Variants in NRXN3 observed in about 807,000 individuals in gnomAD.
The protein encoded by NRXN3 is neurexin III.
NRXN3 carries 32 observed loss-of-function variants against 137.6 expected under a neutral mutation model. The observed-to-expected ratio is 0.23, with a 90% CI of 0.18 to 0.31. NRXN3 has a LOEUF of 0.31. Ranked by LOEUF, NRXN3 falls within the 10% of genes least tolerant of loss-of-function variation. NRXN3 has a pLI of 1.00. For synonymous variants in NRXN3, 798 were observed against 784.5 expected, an observed-to-expected ratio of 1.02 and a Z score of -0.29; for missense variants, 1,574 against 2,062.5, an observed-to-expected ratio of 0.76 and a Z score of 4.59.
chr14:79,705,723 C>T (rs1440007015), intron 19 of NRXN3, among the ~76,000 whole-genome samples: 2 of 152,110 alleles, frequency 1.3e-5, no homozygotes, highest in Non-Finnish European at 2.9e-5. Flanking sequence ...CAGGTTTCCG[C>T]TTATATTGCA....
intron 10 of NRXN3, among the ~76,000 whole-genome samples, chr14:78,938,258 T>A (rs1167647989): frequency 6.6e-6 from 1 of 152,252 alleles, no homozygotes; most frequent in East Asian, 1.9e-4. Flanking sequence ...GTCACACAGC[T>A]AGTACCTGCT....
chr14:79,720,812 A>G (rs2192423), intron 19 of NRXN3, among the ~76,000 whole-genome samples: 61,253 of 152,034 alleles, frequency 0.4, 13,173 homozygotes, highest in Middle Eastern at 0.61. Flanking sequence ...GTGTGTCATA[A>G]GAGATTCTTG....
At chr14:79,636,049 C>G (rs763538808) in intron 16 of NRXN3, among the ~76,000 whole-genome samples, 63 of 152,140 alleles carry the variant, frequency 4.1e-4, no homozygotes, top group Admixed American at 2.6e-4. Context: ...TGGGTAGGGA[C>G]AACCACATCA....
chr14:78,236,905 T>TA (rs1322475873), intron 1 of NRXN3, among the ~76,000 whole-genome samples: 7 of 152,216 alleles, frequency 4.6e-5, no homozygotes, highest in Admixed American at 3.3e-4. Flanking sequence ...TTAACCTCCC[T>TA]CACTACATGC....
At chr14:78,490,098 A>G (rs1445100666) in intron 4 of NRXN3, among the ~76,000 whole-genome samples, 1 of 152,022 alleles carries the variant, frequency 6.6e-6, no homozygotes, top group Non-Finnish European at 1.5e-5. Context: ...TATTTTTAGT[A>G]GAGATGTGGT....
At chr14:78,591,510 A>G (rs1307431551) in intron 4 of NRXN3, among the ~76,000 whole-genome samples, 6 of 152,082 alleles carry the variant, frequency 3.9e-5, no homozygotes, top group Non-Finnish European at 7.4e-5. Flanking sequence ...AGTCACTGAC[A>G]CTCTAAGACT....
In NRXN3 at chr14:79,702,046, A is replaced by G. The variant is rs556730000; in HGVS notation, c.4014+4109A>G. Among the ~76,000 whole-genome samples the G allele has an allele frequency of 5.3e-5, 8 of 152,090 alleles. No homozygotes were observed. The East Asian group carries it at 7.8e-4, about 15-fold the overall frequency. On this transcript the variant is annotated intron_variant, in intron 19 of 20. Transcript: ENST00000335750. ...GCTGTGACTACCGACAGTAGTGGCTATAGTTTAGAGTAAGGGCTAGGAAGT... is the reference window on the plus strand; with the variant it reads ...GCTGTGACTACCGACAGTAGTGGCTGTAGTTTAGAGTAAGGGCTAGGAAGT...
chr14:79,667,243 T>C (rs2098564989), intron 17 of NRXN3, among the ~76,000 whole-genome samples: 1 of 152,112 alleles, frequency 6.6e-6, no homozygotes, highest in Non-Finnish European at 1.5e-5. Context: ...TATTTTATTA[T>C]TTTATCAATA....
chr14:79,104,800 G>T (rs1595997481), intron 15 of NRXN3, among the ~76,000 whole-genome samples: 1 of 147,764 alleles, frequency 6.8e-6, no homozygotes, highest in South Asian at 2.1e-4. Flanking sequence ...TCTGGGGTTT[G>T]TAAAATTTTA....
At chr14:79,482,729 C>A (rs965607353) in intron 16 of NRXN3, among the ~76,000 whole-genome samples, 1 of 151,820 alleles carries the variant, frequency 6.6e-6, no homozygotes, top group Non-Finnish European at 1.5e-5. Context: ...CCAAAGAAAA[C>A]AAATCAACCA....
At chr14:79,752,040 G>T (rs546084464) in intron 19 of NRXN3, among the ~76,000 whole-genome samples, 5 of 151,938 alleles carry the variant, frequency 3.3e-5, no homozygotes, top group Non-Finnish European at 5.9e-5. Context: ...TCTCTTTTTT[G>T]GTTGTGTCTC....
intron 10 of NRXN3, among the ~76,000 whole-genome samples, chr14:78,827,251 T>C (rs1485450743): frequency 1.4e-5 from 2 of 145,832 alleles, no homozygotes; most frequent in South Asian, 2.3e-4. Context: ...CAGAAATCCT[T>C]TGGGCTAACT....
chr14:79,060,395 A>G (rs2099672702), intron 15 of NRXN3, among the ~76,000 whole-genome samples: 1 of 152,238 alleles, frequency 6.6e-6, no homozygotes, highest in Admixed American at 6.5e-5. Flanking sequence ...AGCTTAGCAC[A>G]GTTCCTGCCC....
chr14:79,409,643 A>ATATATATATATC (rs1191764607), intron 15 of NRXN3, among the ~76,000 whole-genome samples: 2 of 141,264 alleles, frequency 1.4e-5, no homozygotes, highest in Non-Finnish European at 3.1e-5. Flanking sequence ...ATATATATAT[A>ATATATATATATC]TCCTCAAAAT....
chr14:79,854,212 G>GT, intron 20 of NRXN3: 1 of 916,914 alleles, frequency 1.1e-6, no homozygotes, highest in African/African-American at 1.8e-5. Flanking sequence ...CGGGCAATTT[G>GT]TTGATGTAAG....
chr14:78,285,729 G>C (rs1323119882), intron 3 of NRXN3, among the ~76,000 whole-genome samples: 1 of 152,224 alleles, frequency 6.6e-6, no homozygotes, highest in Non-Finnish European at 1.5e-5. Flanking sequence ...CTGAAAGAAA[G>C]TCCGCTTTTT....
chr14:78,538,046 T>G (rs2096553269), intron 4 of NRXN3, among the ~76,000 whole-genome samples: 1 of 152,228 alleles, frequency 6.6e-6, no homozygotes, highest in African/African-American at 2.4e-5. Context: ...GGTAGCATGA[T>G]GCTTCCAGCT....
Position 79,865,278 on chromosome 14 carries a change from TTC to T in NRXN3, c.*3316_*3317del, listed in dbSNP as rs955054746. ...AATTTTAACAGCTTCTTACAAGAAT[TTC>T]TGATTACAACTTGTTTCATACACCC... On this transcript the variant is annotated 3_prime_UTR_variant, in exon 21 of 21. Coordinates refer to ENST00000335750, the MANE Select transcript of NRXN3 (RefSeq NM_001330195.2). 2.6e-5 allele frequency: 4 copies of T among 152,328 alleles called. No homozygotes were observed. Among genetic ancestry groups the T allele is most frequent in the Non-Finnish European group, 5.9e-5 (4 of 68,030 alleles). The allele number at this position is 152,328 out of a possible 1,614,324, so 9.4% of individuals were successfully genotyped here.
At chr14:79,554,518 T>C (rs1181839081) in intron 16 of NRXN3, among the ~76,000 whole-genome samples, 1 of 152,154 alleles carries the variant, frequency 6.6e-6, no homozygotes, top group African/African-American at 2.4e-5. Flanking sequence ...TGGTCCAGAC[T>C]ATAGAGTCAG....
Sources: gnomAD v4.1 joint callset for allele counts (sites outside exome capture counted in the v4.1 genomes callset) on GRCh38, gnomAD v4.1.1 for gene constraint, MANE v1.5 for transcripts, NCBI Gene and HGNC (gene_info 2026-07-23, HGNC 2026-07-21) for gene names.